The following ESRRG variants were observed in gnomAD, a reference collection of about 807,000 sequenced individuals.
ESRRG encodes the protein estrogen related receptor gamma, also known as estrogen-related receptor gamma.
ESRRG carries 13 observed loss-of-function variants against 44.0 expected under a neutral mutation model. That is an observed-to-expected ratio of 0.30 (90% CI 0.19 to 0.47). The LOEUF is 0.47. Ranked by LOEUF, ESRRG falls within the 20% of genes least tolerant of loss-of-function variation. The pLI is 1.00. For missense variants in ESRRG, 395 were observed against 580.6 expected (o/e 0.68, Z 3.29); for synonymous variants, 215 against 214.6 (o/e 1.00, Z -0.02).
chr1:216,638,203 G>T (rs2065684538), intron 3 of ESRRG, among the ~76,000 whole-genome samples: 1 of 152,106 alleles, frequency 6.6e-6, no homozygotes, highest in Admixed American at 6.6e-5. Context: ...TCATTTACCA[G>T]ATGCTGTACC....
intron 1 of ESRRG, among the ~76,000 whole-genome samples, chr1:217,050,758 C>A (rs762139851): frequency 1.3e-5 from 2 of 152,140 alleles, no homozygotes; most frequent in Non-Finnish European, 2.9e-5. Flanking sequence ...AGCAGATAGA[C>A]TCTCACCAAA....
intron 1 of ESRRG, among the ~76,000 whole-genome samples, chr1:217,028,738 T>C (rs2081579655): frequency 1.3e-5 from 2 of 152,376 alleles, no homozygotes; most frequent in Admixed American, 6.5e-5. Context: ...GGTTTGTGCA[T>C]GGGTTATATG....
At chr1:217,017,742 T>G (rs1199267201) in intron 1 of ESRRG, among the ~76,000 whole-genome samples, 1 of 152,130 alleles carries the variant, frequency 6.6e-6, no homozygotes, top group African/African-American at 2.4e-5. Flanking sequence ...AATAAAAAAT[T>G]CTTAAATATC....
chr1:216,935,620 A>T (rs1405624093), intron 2 of ESRRG, among the ~76,000 whole-genome samples: 5 of 146,236 alleles, frequency 3.4e-5, no homozygotes, highest in East Asian at 2.0e-4. Context: ...CAGTTTAGGA[A>T]TTTTTTTTTT....
At chr1:216,826,535 T>C (rs1224537977) in intron 2 of ESRRG, among the ~76,000 whole-genome samples, 1 of 152,214 alleles carries the variant, frequency 6.6e-6, no homozygotes. Flanking sequence ...TATTACAATA[T>C]TATTGAATAT....
intron 2 of ESRRG, among the ~76,000 whole-genome samples, chr1:216,761,043 C>T (rs559845946): frequency 6.6e-6 from 1 of 151,996 alleles, no homozygotes; most frequent in East Asian, 1.9e-4. Context: ...TTGCCCCTTC[C>T]AAAGTCCACC....
intron 2 of ESRRG, among the ~76,000 whole-genome samples, chr1:216,914,415 T>C (rs2060874865): frequency 6.6e-6 from 1 of 152,178 alleles, no homozygotes; most frequent in African/African-American, 2.4e-5. Flanking sequence ...CTCACTCTTT[T>C]TCCCATTGTA....
chr1:216,597,390 C>T (rs955948864), intron 3 of ESRRG, among the ~76,000 whole-genome samples: 5 of 152,130 alleles, frequency 3.3e-5, no homozygotes, highest in African/African-American at 1.2e-4. Context: ...GGAACTTGGG[C>T]ATCACTGTGT....
At chr1:216,912,758 A>T (rs2149610990) in intron 2 of ESRRG, among the ~76,000 whole-genome samples, 1 of 152,284 alleles carries the variant, frequency 6.6e-6, no homozygotes, top group East Asian at 1.9e-4. Context: ...ACACAATTAC[A>T]TATATATACA....
At chr1:216,689,820 A>C (rs774503858) in intron 1 of ESRRG, among the ~76,000 whole-genome samples, 15 of 149,682 alleles carry the variant, frequency 1.0e-4, no homozygotes, top group Non-Finnish European at 1.6e-4. Flanking sequence ...AAAAAACATA[A>C]GGTCAATAAG....
rs200417153 is a variant in ESRRG at position 216,650,886 on chromosome 1, T to G, written c.589+87A>C. The G allele has an allele frequency of 5.2e-4, 413 of 795,866 alleles. 1 individual carries two copies. The highest frequency in any genetic ancestry group is 6.0e-4 in the Non-Finnish European group (267 of 442,844). The allele number at this position is 795,866 out of a possible 1,614,324, so 49.3% of individuals were successfully genotyped here. The stretch of plus-strand genomic sequence containing the variant: ...GGTACTTACTGTTACCTCATCTTTT[T>G]CTGGTTTCTCTAAAACTGGTGGAAT... On this transcript the variant is annotated intron_variant, in intron 3 of 6. Coordinates refer to ENST00000408911, the MANE Select transcript of ESRRG (RefSeq NM_001438.4).
intron 1 of ESRRG, among the ~76,000 whole-genome samples, chr1:217,054,012 T>C (rs943889939): frequency 1.3e-5 from 2 of 149,738 alleles, no homozygotes; most frequent in African/African-American, 4.9e-5. Context: ...ACTGCTGACA[T>C]GTTTGGTTTT....
intron 1 of ESRRG, among the ~76,000 whole-genome samples, chr1:217,086,514 A>T (rs1039522633): frequency 7.2e-5 from 11 of 152,338 alleles, no homozygotes; most frequent in African/African-American, 2.6e-4. Context: ...ACCACAGAAG[A>T]TAGCTTGGCC....
At chr1:216,964,504 G>A (rs1578766336) in intron 1 of ESRRG, among the ~76,000 whole-genome samples, 1 of 152,110 alleles carries the variant, frequency 6.6e-6, no homozygotes. Flanking sequence ...ATGGCTCTGG[G>A]GAGTTTAGAT....
At chr1:216,671,055 TGTCCTAG>T (rs1185843143) in intron 2 of ESRRG, among the ~76,000 whole-genome samples, 1 of 152,192 alleles carries the variant, frequency 6.6e-6, no homozygotes, top group African/African-American at 2.4e-5. Flanking sequence ...GCTGTACTCT[TGTCCTAG>T]GTCCTGCAAT....
chr1:216,528,519 T>C (rs1041575656), intron 5 of ESRRG, among the ~76,000 whole-genome samples: 4 of 152,206 alleles, frequency 2.6e-5, no homozygotes, highest in African/African-American at 9.6e-5. Context: ...TATGTATACA[T>C]TTATGTTCTG....
intron 2 of ESRRG, among the ~76,000 whole-genome samples, chr1:216,879,046 G>A (rs567698569): frequency 6.6e-6 from 1 of 152,228 alleles, no homozygotes; most frequent in Non-Finnish European, 1.5e-5. Context: ...GACTACATGT[G>A]AGATGAGACA....
intron 2 of ESRRG, among the ~76,000 whole-genome samples, chr1:216,883,387 A>G (rs1328751270): frequency 1.5e-4 from 3 of 20,620 alleles, no homozygotes; most frequent in South Asian, 1.8e-3. Context: ...CTTCTCTGAG[A>G]AAAAAAAAAA....
At chr1:216,559,705 C>G (rs1390257059) in intron 5 of ESRRG, among the ~76,000 whole-genome samples, 1 of 152,166 alleles carries the variant, frequency 6.6e-6, no homozygotes, top group African/African-American at 2.4e-5. Flanking sequence ...AATGGTGCTA[C>G]TATTTTAAGA....
Sources: gnomAD v4.1 joint callset for allele counts (sites outside exome capture counted in the v4.1 genomes callset) on GRCh38, gnomAD v4.1.1 for gene constraint, MANE v1.5 for transcripts, NCBI Gene and HGNC (gene_info 2026-07-23, HGNC 2026-07-21) for gene names.